The following WWOX variants were observed in gnomAD, a reference collection of about 807,000 sequenced individuals.
The protein encoded by WWOX is WW domain containing oxidoreductase, also known as WW domain-containing oxidoreductase.
Under a neutral mutation model 46.2 loss-of-function variants are expected in WWOX, and 69 were observed. The observed-to-expected ratio is 1.49, with a 90% CI of 1.23 to 1.82. The LOEUF (loss-of-function observed/expected upper bound fraction) is 1.82, where lower values mean the gene tolerates loss of function less well. WWOX is among the 40% of genes most tolerant of loss of function. The pLI, the probability that WWOX is intolerant of heterozygous loss-of-function variation, is 0.00. For synonymous variants in WWOX, 359 were observed against 202.6 expected (o/e 1.77, Z -6.56); for missense variants, 919 against 542.6 (o/e 1.69, Z -6.89).
intron 8 of WWOX, among the ~76,000 whole-genome samples, chr16:78,733,732 G>A (rs1488745069): frequency 1.3e-5 from 2 of 152,034 alleles, no homozygotes; most frequent in Admixed American, 6.6e-5. Flanking sequence ...TCCAGCCTGG[G>A]CGACAGAGTG....
At chr16:78,540,653 A>G (rs896621220) in intron 8 of WWOX, among the ~76,000 whole-genome samples, 10 of 151,430 alleles carry the variant, frequency 6.6e-5, no homozygotes, top group Non-Finnish European at 1.2e-4. Flanking sequence ...GTTTCTGTGG[A>G]TTTCTATAGG....
At chr16:78,123,474 T>TTTTTTTTTTTTTTTTTA (rs2033220656) in intron 4 of WWOX, 1 of 124,196 alleles carries the variant, frequency 8.1e-6, no homozygotes. Flanking sequence ...TTTTGTTTTT[T>TTTTTTTTTTTTTTTTTA]TGAGATGAAG....
chr16:78,509,132 A>C (rs1418677511), intron 8 of WWOX, among the ~76,000 whole-genome samples: 1 of 152,144 alleles, frequency 6.6e-6, no homozygotes, highest in Non-Finnish European at 1.5e-5. Context: ...ACAATGACAA[A>C]GTTATTCAAT....
rs762078161 is a variant in WWOX at position 78,716,080 on chromosome 16, C to T, written c.1056+283328C>T. On this transcript the variant is annotated intron_variant, in intron 8 of 8. Transcript: ENST00000566780. Reference sequence around the variant, plus strand: ...CTAAAGGAAAGGGGAAAAAAAAAATCAGACAGTCACATTGAAATGAGGTCC... The same window carrying T: ...CTAAAGGAAAGGGGAAAAAAAAAATTAGACAGTCACATTGAAATGAGGTCC... Among the ~76,000 whole-genome samples the T allele has an allele frequency of 6.9e-4, 105 of 151,970 alleles. 2 individuals carry two copies. Among genetic ancestry groups the T allele is most frequent in the Middle Eastern group, 3.4e-3 (1 of 294 alleles).
At chr16:79,065,748 G>C (rs2048429668) in intron 8 of WWOX, among the ~76,000 whole-genome samples, 1 of 152,170 alleles carries the variant, frequency 6.6e-6, no homozygotes, top group African/African-American at 2.4e-5. Context: ...CTTGCTTTAA[G>C]ATTAAAGTAT....
intron 6 of WWOX, among the ~76,000 whole-genome samples, chr16:78,399,501 C>G (rs1202560867): frequency 6.6e-6 from 1 of 152,182 alleles, no homozygotes; most frequent in African/African-American, 2.4e-5. Context: ...ACTGAGCCAG[C>G]TTGGCATTGT....
chr16:78,720,837 G>T (rs911040998), intron 8 of WWOX, among the ~76,000 whole-genome samples: 1 of 152,096 alleles, frequency 6.6e-6, no homozygotes, highest in African/African-American at 2.4e-5. Context: ...TTCTTGGGGA[G>T]AGAAGAAATT....
intron 8 of WWOX, among the ~76,000 whole-genome samples, chr16:78,508,234 C>T (rs1232099315): frequency 6.6e-6 from 1 of 150,710 alleles, no homozygotes; most frequent in African/African-American, 2.5e-5. Context: ...TGGTCTTGAA[C>T]TCCTGATCTC....
chr16:78,691,372 G>T (rs1411808301), intron 8 of WWOX: 2 of 687,056 alleles, frequency 2.9e-6, no homozygotes, highest in Non-Finnish European at 5.3e-6. Flanking sequence ...TGACAGAAAG[G>T]AAATCTCCTA....
chr16:78,681,617 G>A (rs915628683), intron 8 of WWOX, among the ~76,000 whole-genome samples: 4 of 152,150 alleles, frequency 2.6e-5, no homozygotes, highest in East Asian at 1.9e-4. Context: ...AATCTCTAGG[G>A]ACAGACCGAG....
intron 8 of WWOX, among the ~76,000 whole-genome samples, chr16:78,607,182 T>A (rs752274569): frequency 6.6e-6 from 1 of 152,172 alleles, no homozygotes. Context: ...AAATACACAG[T>A]TAATAAAATA....
At chr16:78,910,028 A>G (rs2045067578) in intron 8 of WWOX, among the ~76,000 whole-genome samples, 1 of 152,208 alleles carries the variant, frequency 6.6e-6, no homozygotes, top group African/African-American at 2.4e-5. Context: ...ATTACATTTG[A>G]TGTAATTGCC....
chr16:78,656,085 C>T (rs1326117029), intron 8 of WWOX, among the ~76,000 whole-genome samples: 2 of 152,150 alleles, frequency 1.3e-5, no homozygotes, highest in Admixed American at 6.5e-5. Context: ...TGATTTGCTT[C>T]AGTACAGTAT....
chr16:78,866,901 A>G (rs1420879617), intron 8 of WWOX, among the ~76,000 whole-genome samples: 1 of 152,226 alleles, frequency 6.6e-6, no homozygotes, highest in Non-Finnish European at 1.5e-5. Flanking sequence ...AGGGCTGAGG[A>G]GCAAACTCTT....
At chr16:78,876,132 C>G (rs993779267) in intron 8 of WWOX, among the ~76,000 whole-genome samples, 12 of 152,126 alleles carry the variant, frequency 7.9e-5, no homozygotes, top group Admixed American at 7.2e-4. Context: ...ACTTTCTTAC[C>G]TACGCTACCT....
At chr16:78,331,304 G>T (rs570159800) in intron 5 of WWOX, among the ~76,000 whole-genome samples, 2 of 152,154 alleles carry the variant, frequency 1.3e-5, no homozygotes, top group African/African-American at 2.4e-5. Context: ...TGATAGTTAA[G>T]GATGAAGGTA....
chr16:78,493,166 C>CA (rs1184299419), intron 8 of WWOX, among the ~76,000 whole-genome samples: 1 of 152,156 alleles, frequency 6.6e-6, no homozygotes, highest in Non-Finnish European at 1.5e-5. Context: ...CGAAAAACTT[C>CA]ATGTCAGTTA....
chr16:78,368,523 C>G (rs950891569), intron 5 of WWOX, among the ~76,000 whole-genome samples: 1 of 152,182 alleles, frequency 6.6e-6, no homozygotes, highest in Non-Finnish European at 1.5e-5. Flanking sequence ...GCTAGAAGCT[C>G]TTCCCATAGA....
chr16:79,206,934 G>C (rs764440821), intron 8 of WWOX, among the ~76,000 whole-genome samples: 8 of 152,212 alleles, frequency 5.3e-5, no homozygotes, highest in Non-Finnish European at 1.2e-4. Flanking sequence ...GCCTTTTGGA[G>C]CAGTTTGCTT....
Sources: gnomAD v4.1 joint callset for allele counts (sites outside exome capture counted in the v4.1 genomes callset) on GRCh38, gnomAD v4.1.1 for gene constraint, MANE v1.5 for transcripts, NCBI Gene and HGNC (gene_info 2026-07-23, HGNC 2026-07-21) for gene names.